Variants in KIRREL1 observed in about 807,000 individuals in gnomAD.
The protein encoded by KIRREL1 is kirre like nephrin family adhesion molecule 1, also known as kin of IRRE-like protein 1.
In KIRREL1, 25 loss-of-function variants were observed where a neutral mutation model predicts 83.3. The ratio of observed to expected loss-of-function variants is 0.30; its 90% CI spans 0.22 to 0.42. The LOEUF is 0.42. Ranked by LOEUF, KIRREL1 falls within the 10% of genes least tolerant of loss-of-function variation. The pLI is 1.00. For synonymous variants in KIRREL1, 388 were observed against 410.4 expected (o/e 0.95, Z 0.66); for missense variants, 812 against 1,032.3 (o/e 0.79, Z 2.92).
chr1:158,069,988 T>G (rs1238271683), intron 1 of KIRREL1, among the ~76,000 whole-genome samples: 1 of 152,202 alleles, frequency 6.6e-6, no homozygotes, highest in African/African-American at 2.4e-5. Context: ...CTGGATGCTG[T>G]TGACAGTCGT....
intron 1 of KIRREL1, among the ~76,000 whole-genome samples, chr1:158,048,509 A>G (rs937068241): frequency 6.6e-6 from 1 of 152,228 alleles, no homozygotes; most frequent in African/African-American, 2.4e-5. Context: ...CTGTGGGGGA[A>G]GAAATAGATC....
chr1:158,026,699 A>G (rs1194342916), intron 1 of KIRREL1, among the ~76,000 whole-genome samples: 3 of 152,206 alleles, frequency 2.0e-5, no homozygotes, highest in Admixed American at 1.3e-4. Flanking sequence ...CCCATTTTAC[A>G]GAACAGGAAT....
At chr1:157,993,793 G>A in intron 1 of KIRREL1, 65 bp downstream of exon 1, 1 of 1,146,652 alleles carries the variant, frequency 8.7e-7, no homozygotes, top group Non-Finnish European at 1.2e-6. Context: ...CTGCTTCCCC[G>A]GTGGGAGAGT....
intron 1 of KIRREL1, among the ~76,000 whole-genome samples, chr1:158,059,057 A>T (rs6427418): frequency 0.89 from 135,676 of 152,078 alleles, 60,621 homozygotes; most frequent in Non-Finnish European, 0.92. Context: ...TCCACACCCT[A>T]CACAGCACCC....
At chr1:157,997,411 TAGAC>T (rs371147581) in intron 1 of KIRREL1, among the ~76,000 whole-genome samples, 100 of 152,278 alleles carry the variant, frequency 6.6e-4, no homozygotes, top group African/African-American at 2.1e-3. Context: ...GAGACATAGA[TAGAC>T]AGGCAGTCAA....
At chr1:158,040,091 C>T (rs1232922019) in intron 1 of KIRREL1, among the ~76,000 whole-genome samples, 1 of 152,196 alleles carries the variant, frequency 6.6e-6, no homozygotes, top group Non-Finnish European at 1.5e-5. Flanking sequence ...CAAATTGTTG[C>T]TTTCCTTCAT....
In KIRREL1 at chr1:158,098,467, G is replaced by T. The variant is rs1662409279; in HGVS notation, c.*3347G>T. ...CAGTCCAAGGTGCCTGGAGCCAGAGGTCGGGGAGTAAGCACAGCTGCCCCT... is the reference window on the plus strand; with the variant it reads ...CAGTCCAAGGTGCCTGGAGCCAGAGTTCGGGGAGTAAGCACAGCTGCCCCT... On this transcript the variant is annotated 3_prime_UTR_variant, in exon 15 of 15. Coordinates refer to ENST00000359209, the MANE Select transcript of KIRREL1 (RefSeq NM_018240.7). 6.6e-6 allele frequency: 1 copy of T among 152,290 alleles called. No homozygotes were observed. The highest frequency in any genetic ancestry group is 6.5e-5 in the Admixed American group (1 of 15,290). The allele number at this position is 152,290 out of a possible 1,614,324, so 9.4% of individuals were successfully genotyped here. A position where few individuals can be genotyped will look rare whatever the true frequency, so the allele number is the denominator to read the frequency against.
intron 3 of KIRREL1, among the ~76,000 whole-genome samples, chr1:158,082,618 G>C (rs961118352): frequency 2.6e-5 from 4 of 152,124 alleles, no homozygotes; most frequent in African/African-American, 9.7e-5. Context: ...CCTCTCGAGT[G>C]TTCCCTCTGG....
At position 158,082,613 on chromosome 1, in the gene KIRREL1, C is replaced by G. The variant is rs577902725; in HGVS notation, c.353-1809C>G. ...GAGTGTTCCCTCTGCACACTCCTCT[C>G]GAGTGTTCCCTCTGGACCCTCCTCT... On this transcript the variant is annotated intron_variant, in intron 3 of 14. Transcript: ENST00000359209. Among the ~76,000 whole-genome samples the G allele has an allele frequency of 4.6e-5, 7 of 152,238 alleles. 1 individual carries two copies. The South Asian group carries it at 1.5e-3, about 32-fold the overall frequency.
intron 1 of KIRREL1, among the ~76,000 whole-genome samples, chr1:157,994,634 G>A (rs1659141491): frequency 6.6e-6 from 1 of 151,992 alleles, no homozygotes. Context: ...GTCTGTGGGA[G>A]TTGGTTCTTG....
intron 1 of KIRREL1, among the ~76,000 whole-genome samples, chr1:158,007,400 T>A (rs1410934914): frequency 6.6e-6 from 1 of 150,880 alleles, no homozygotes; most frequent in East Asian, 2.0e-4. Context: ...TTATAGGGGG[T>A]CTAATAGAAT....
Position 158,100,165 on chromosome 1 carries a change from T to A in KIRREL1, c.*5045T>A, listed in dbSNP as rs1662456435. 1 of 150,766 alleles carries A rather than the reference T, an allele frequency of 6.6e-6. No homozygotes were observed. The highest frequency in any genetic ancestry group is 2.4e-5 in the African/African-American group (1 of 41,258). The allele number at this position is 150,766 out of a possible 1,614,324, so 9.3% of individuals were successfully genotyped here. A position where few individuals can be genotyped will look rare whatever the true frequency, so the allele number is the denominator to read the frequency against. ...CCTATTCTACTTTTTTTTCCTTTTT[T>A]TAAAAATATTATGTACTATATTTTT... On this transcript the variant is annotated 3_prime_UTR_variant, in exon 15 of 15. Transcript: ENST00000359209.
At chr1:158,086,381 A>G (rs1285482185) in intron 4 of KIRREL1, among the ~76,000 whole-genome samples, 12 of 151,994 alleles carry the variant, frequency 7.9e-5, no homozygotes, top group Admixed American at 7.2e-4. Context: ...CCCTAAAAAT[A>G]TATAACTTTT....
At chr1:158,087,683 G>A in intron 5 of KIRREL1, 72 bp from the exon 6 acceptor site, 3 of 1,066,038 alleles carry the variant, frequency 2.8e-6, no homozygotes, top group Middle Eastern at 2.0e-4. Flanking sequence ...AGGTCTGAAT[G>A]TACGTGTTAG....
intron 2 of KIRREL1, 32 bp downstream of exon 2, chr1:158,076,294 TC>T: frequency 6.2e-7 from 1 of 1,602,306 alleles, no homozygotes; most frequent in Non-Finnish European, 8.5e-7. Flanking sequence ...GTCCAAACTG[TC>T]CCATCTTCTC....
rs7542590 is a variant in KIRREL1 at position 158,003,323 on chromosome 1, G to A, written c.52+9595G>A. Among the ~76,000 whole-genome samples the A allele has an allele frequency of 7.1e-3, 1,076 of 152,288 alleles. 13 individuals carry two copies. The highest frequency in any genetic ancestry group is 0.025 in the African/African-American group (1,030 of 41,538). Reference sequence around the variant, plus strand: ...GGAGCAGAAACCCAAGGCTAGGCAGGCTGGCAGAATGAAGCCTCTGAGAGA... The same window carrying A: ...GGAGCAGAAACCCAAGGCTAGGCAGACTGGCAGAATGAAGCCTCTGAGAGA... On this transcript the variant is annotated intron_variant, in intron 1 of 14. Coordinates refer to ENST00000359209, the MANE Select transcript of KIRREL1 (RefSeq NM_018240.7).
intron 1 of KIRREL1, among the ~76,000 whole-genome samples, chr1:158,007,034 T>A (rs1211846304): frequency 6.6e-6 from 1 of 152,172 alleles, no homozygotes; most frequent in Non-Finnish European, 1.5e-5. Flanking sequence ...TTTGGGGATC[T>A]CCTAGTCTGA....
intron 1 of KIRREL1, among the ~76,000 whole-genome samples, chr1:158,051,042 G>T (rs1660896637): frequency 1.3e-5 from 2 of 152,208 alleles, no homozygotes; most frequent in Admixed American, 1.3e-4. Flanking sequence ...GGGGAGAAAA[G>T]ACATCTGTCC....
chr1:158,022,632 A>C (rs940614097), intron 1 of KIRREL1, among the ~76,000 whole-genome samples: 2 of 152,236 alleles, frequency 1.3e-5, no homozygotes, highest in South Asian at 4.1e-4. Flanking sequence ...TATGGTTAAA[A>C]GTTAGGACTT....
Sources: gnomAD v4.1 joint callset for allele counts (sites outside exome capture counted in the v4.1 genomes callset) on GRCh38, gnomAD v4.1.1 for gene constraint, MANE v1.5 for transcripts, NCBI Gene and HGNC (gene_info 2026-07-23, HGNC 2026-07-21) for gene names.